The following DPP6 variants were observed in gnomAD, a reference collection of about 807,000 sequenced individuals.
DPP6 encodes the protein dipeptidyl peptidase like 6.
Under a neutral mutation model 122.6 loss-of-function variants are expected in DPP6, and 69 were observed. The ratio of observed to expected loss-of-function variants is 0.56; its 90% CI spans 0.46 to 0.69. The LOEUF is 0.69. Ranked by LOEUF, DPP6 falls within the 30% of genes least tolerant of loss-of-function variation. DPP6 has a pLI of 0.00. For synonymous variants in DPP6, 418 were observed against 433.1 expected, an observed-to-expected ratio of 0.97 and a Z score of 0.43; for missense variants, 928 against 1,116.9, an observed-to-expected ratio of 0.83 and a Z score of 2.41.
At chr7:154,876,580 C>T (rs1388634478) in intron 20 of DPP6, among the ~76,000 whole-genome samples, 1 of 152,168 alleles carries the variant, frequency 6.6e-6, no homozygotes, top group East Asian at 1.9e-4. Context: ...ATGCCCTTCC[C>T]GGCTCTGAGG....
chr7:154,173,904 C>T (rs1258012122), intron 1 of DPP6, among the ~76,000 whole-genome samples: 1 of 152,198 alleles, frequency 6.6e-6, no homozygotes, highest in Non-Finnish European at 1.5e-5. Flanking sequence ...CCCACCTTAG[C>T]TGTGACAGTT....
intron 1 of DPP6, among the ~76,000 whole-genome samples, chr7:153,920,482 G>T (rs903562168): frequency 6.6e-5 from 10 of 151,378 alleles, no homozygotes; most frequent in Admixed American, 2.6e-4. Context: ...TACTGTTCCA[G>T]AATGGGTTGT....
At chr7:153,885,013 T>C (rs922485789), upstream of DPP6, among the ~76,000 whole-genome samples, 75 of 146,452 alleles carry the variant, frequency 5.1e-4, 2 homozygotes, top group African/African-American at 1.8e-3. Context: ...TATATATATA[T>C]ATATATATGT....
the DPP6 span, among the ~76,000 whole-genome samples, chr7:153,799,731 TAAA>T: frequency 6.6e-6 from 1 of 152,260 alleles, no homozygotes; most frequent in Admixed American, 6.5e-5. Flanking sequence ...TTAATTATAA[TAAA>T]ATGTGTTTAC....
At chr7:154,050,867 C>T (rs1298204806), upstream of DPP6, among the ~76,000 whole-genome samples, 1 of 145,058 alleles carries the variant, frequency 6.9e-6, no homozygotes, top group Admixed American at 6.9e-5. Flanking sequence ...AGAAGATGAG[C>T]GTGGTACAAA....
intron 1 of DPP6, among the ~76,000 whole-genome samples, chr7:154,428,223 T>A (rs1217736701): frequency 6.6e-6 from 1 of 152,166 alleles, no homozygotes; most frequent in Non-Finnish European, 1.5e-5. Context: ...CTCTTATTTT[T>A]AAAAAACCTT....
intron 7 of DPP6, among the ~76,000 whole-genome samples, chr7:154,674,185 T>A (rs1166690918): frequency 6.6e-6 from 1 of 152,216 alleles, no homozygotes; most frequent in Non-Finnish European, 1.5e-5. Context: ...CATCCATGTT[T>A]CTTTTCTTTG....
chr7:154,305,673 A>C, intron 1 of DPP6: 6 of 1,406,416 alleles, frequency 4.3e-6, no homozygotes, highest in Non-Finnish European at 5.8e-6. Flanking sequence ...AGAATTTTGT[A>C]TTTTGTATTG....
intron 3 of DPP6, among the ~76,000 whole-genome samples, chr7:154,519,716 C>T (rs902150996): frequency 1.3e-5 from 2 of 152,088 alleles, no homozygotes; most frequent in African/African-American, 4.8e-5. Context: ...ATTTTGTTTG[C>T]TTTTAAGTCA....
intron 4 of DPP6, among the ~76,000 whole-genome samples, chr7:154,563,231 G>A (rs995699886): frequency 2.0e-5 from 3 of 152,188 alleles, no homozygotes; most frequent in Non-Finnish European, 4.4e-5. Flanking sequence ...CTTGAGAATG[G>A]CATGTGCCTG....
chr7:154,133,757 T>C (rs966872120), intron 1 of DPP6, among the ~76,000 whole-genome samples: 6 of 150,724 alleles, frequency 4.0e-5, no homozygotes, highest in African/African-American at 1.5e-4. Flanking sequence ...GGCTTTTGAA[T>C]CTGTGAGGCC....
chr7:154,622,493 C>A (rs747080708), intron 5 of DPP6, among the ~76,000 whole-genome samples: 8 of 152,188 alleles, frequency 5.3e-5, no homozygotes, highest in Non-Finnish European at 1.2e-4. Context: ...GACCCACTGG[C>A]TTTTTAGAAT....
chr7:154,703,434 C>T (rs1840635597), intron 7 of DPP6, among the ~76,000 whole-genome samples: 2 of 152,094 alleles, frequency 1.3e-5, no homozygotes, highest in Non-Finnish European at 2.9e-5. Flanking sequence ...GCCTGGCCAA[C>T]ATGGCAAAAC....
Position 154,282,031 on chromosome 7 carries a change from T to G in DPP6, c.244-164183T>G, listed in dbSNP as rs1804548605. Reference sequence around the variant, plus strand: ...CTTAGTGACTTAACCTTTCAACACCTCTGTTTCCTCCCCTGTCCAATGGGG... The same window carrying G: ...CTTAGTGACTTAACCTTTCAACACCGCTGTTTCCTCCCCTGTCCAATGGGG... On this transcript the variant is annotated intron_variant, in intron 1 of 25. Coordinates refer to ENST00000377770, the MANE Select transcript of DPP6 (RefSeq NM_130797.4). This position sits in a 1 kb window ranked among gnomAD's most constrained non-coding sequence, Gnocchi z 4.8. 6.6e-6 allele frequency among the ~76,000 whole-genome samples: 1 copy of G among 152,072 alleles called. No individual in the cohort carries two copies. Among genetic ancestry groups the G allele is most frequent in the African/African-American group, 2.4e-5 (1 of 41,412 alleles).
intron 5 of DPP6, among the ~76,000 whole-genome samples, chr7:154,574,419 GTA>G (rs1264203886): frequency 7.6e-6 from 1 of 132,062 alleles, no homozygotes; most frequent in African/African-American, 2.9e-5. Flanking sequence ...TGTGTGGTGT[GTA>G]TATGTGTGGT....
At chr7:153,997,561 A>AT (rs201576234) in intron 1 of DPP6, among the ~76,000 whole-genome samples, 1 of 148,722 alleles carries the variant, frequency 6.7e-6, no homozygotes, top group Non-Finnish European at 1.5e-5. Flanking sequence ...ATAATAGAGG[A>AT]TTTTTTTATT....
At chr7:154,181,720 G>A (rs1385104736) in intron 1 of DPP6, among the ~76,000 whole-genome samples, 2 of 149,760 alleles carry the variant, frequency 1.3e-5, no homozygotes, top group Non-Finnish European at 3.0e-5. Flanking sequence ...CACTTGAGGT[G>A]TGGTGCACTC....
At chr7:154,514,868 C>T (rs1228114842) in intron 3 of DPP6, among the ~76,000 whole-genome samples, 5 of 152,098 alleles carry the variant, frequency 3.3e-5, no homozygotes, top group African/African-American at 7.2e-5. Context: ...AATATCTGTT[C>T]GAGTCTCTGT....
intron 7 of DPP6, among the ~76,000 whole-genome samples, chr7:154,705,772 T>C (rs553933109): frequency 6.6e-6 from 1 of 152,324 alleles, no homozygotes; most frequent in African/African-American, 2.4e-5. Context: ...AGCCAGAACA[T>C]GTGAAAGTAA....
Sources: allele counts gnomAD v4.1 joint callset (sites outside exome capture counted in the v4.1 genomes callset), GRCh38; gene constraint gnomAD v4.1.1; non-coding constraint Gnocchi (gnomAD v3.1); transcripts MANE v1.5; gene names NCBI Gene and HGNC (gene_info 2026-07-23, HGNC 2026-07-21).